HSF2: variants seen among roughly 807,000 people sequenced by gnomAD.
HSF2 encodes heat shock transcription factor 2.
In HSF2, 21 loss-of-function variants were observed where a neutral mutation model predicts 65.0. The ratio of observed to expected loss-of-function variants is 0.32; its 90% CI spans 0.23 to 0.47. HSF2 has a LOEUF of 0.47. HSF2 is among the 20% of genes least tolerant of loss of function. The probability of loss-of-function intolerance (pLI) is 1.00; values close to 1 mark genes in which losing one functional copy is unlikely to be tolerated. For synonymous variants in HSF2, 225 were observed against 219.1 expected, an observed-to-expected ratio of 1.03 and a Z score of -0.24; for missense variants, 499 against 628.1, an observed-to-expected ratio of 0.79 and a Z score of 2.20.
intron 10 of HSF2, among the ~76,000 whole-genome samples, chr6:122,425,056 CT>C (rs1352036812): frequency 6.6e-6 from 1 of 151,928 alleles, no homozygotes. Flanking sequence ...ATGTGTACCC[CT>C]ATCCTTTGCC....
At chr6:122,429,142 A>G (rs980625761) in intron 11 of HSF2, among the ~76,000 whole-genome samples, 1 of 152,058 alleles carries the variant, frequency 6.6e-6, no homozygotes, top group Non-Finnish European at 1.5e-5. Flanking sequence ...CTGGATTTAT[A>G]TTACAAGATT....
chr6:122,416,110 T>C lies in HSF2; in HGVS notation c.456-111T>C, dbSNP rs45525432. ...GTTTTCTTGGTCTCATAAATACATA[T>C]AGTAAAAACAAGTGTAGTTCAGTTG... On this transcript the variant is annotated intron_variant, in intron 4 of 12. Transcript: ENST00000368455. The C allele has an allele frequency of 8.4e-4, 554 of 659,972 alleles. 5 individuals carry two copies. The African/African-American group carries it at 9.0e-3, about 11-fold the overall frequency. 40.9% of individuals were successfully genotyped at this position (659,972 alleles called of 1,614,324 possible). A position where few individuals can be genotyped will look rare whatever the true frequency, so the allele number is the denominator to read the frequency against.
At chr6:122,412,226 G>C (rs1434455568) in intron 1 of HSF2, 147 bp from the exon 2 acceptor site, 12 of 550,494 alleles carry the variant, frequency 2.2e-5, no homozygotes, top group Non-Finnish European at 3.9e-5. Flanking sequence ...TTTGTTTCTT[G>C]TTCCTGTTGT....
In HSF2 at chr6:122,399,830, G is replaced by A. The variant is rs753721001; in HGVS notation, c.93G>A (p.Gln31=). 2 of 1,609,916 alleles carry A rather than the reference G, an allele frequency of 1.2e-6. No homozygotes were observed. Among genetic ancestry groups the A allele is most frequent in the African/African-American group, 1.3e-5 (1 of 74,584 alleles). ...CTAACGAGTTCATCACCTGGAGCCA[G>A]GTACGGTCAGGCCACGGCGGCCTCT... The part of the protein sequence containing the change: ...THTNEFITWS[Q]NGQSFLVLDE... Residue 31 remains glutamine (Q), a splice_region_variant and synonymous_variant, in exon 1 of 13, where the codon CAG becomes CAA. Transcript: ENST00000368455.
chr6:122,418,005 A>G (rs556960633), intron 5 of HSF2, among the ~76,000 whole-genome samples: 1 of 152,320 alleles, frequency 6.6e-6, no homozygotes, highest in Admixed American at 6.5e-5. Context: ...GATATTGATT[A>G]TAAGGCAGAC....
Position 122,413,664 on chromosome 6 carries a change from C to T in HSF2, c.455+15C>T, listed in dbSNP as rs752392422. 2 of 1,592,100 alleles carry T rather than the reference C, an allele frequency of 1.3e-6. No homozygotes were observed. Among genetic ancestry groups the T allele is most frequent in the African/African-American group, 2.7e-5 (2 of 73,958 alleles). On this transcript the variant is annotated intron_variant, in intron 4 of 12. Transcript: ENST00000368455. ...GAATTAAAAAGGTAAAGTGTTATTTCCAAATATAATTTTAATCTGGGAATT... is the reference window on the plus strand; with the variant it reads ...GAATTAAAAAGGTAAAGTGTTATTTTCAAATATAATTTTAATCTGGGAATT...
chr6:122,425,888 CAGTT>C (rs1340571699), intron 10 of HSF2, among the ~76,000 whole-genome samples: 7 of 152,076 alleles, frequency 4.6e-5, no homozygotes, highest in Admixed American at 3.9e-4. Flanking sequence ...TTGGGATCAT[CAGTT>C]AGCTCTTACC....
chr6:122,432,010 A>G lies in HSF2; in HGVS notation c.1401A>G (p.Thr467=), dbSNP rs200120083. The change falls in exon 13 of 13, where the codon ACA becomes ACG. Residue 467 remains threonine (T), a synonymous_variant. Coordinates refer to ENST00000368455, the MANE Select transcript of HSF2 (RefSeq NM_004506.4). ...NPASSVEQAS[T]TASSEVLSSV... ...CTTCTTCTGTTGAACAGGCGAGTACAACAGCATCATCAGAAGTTTTGTCCT... is the reference window on the plus strand; with the variant it reads ...CTTCTTCTGTTGAACAGGCGAGTACGACAGCATCATCAGAAGTTTTGTCCT... 7 of 1,614,110 alleles carry G rather than the reference A, an allele frequency of 4.3e-6. No individual in the cohort carries two copies. The highest frequency in any genetic ancestry group is 5.9e-6 in the Non-Finnish European group (7 of 1,179,968).
chr6:122,404,377 T>C (rs977476637), intron 1 of HSF2, among the ~76,000 whole-genome samples: 11 of 152,154 alleles, frequency 7.2e-5, no homozygotes, highest in African/African-American at 9.7e-5. Context: ...AAATCCAACT[T>C]AGATGGACCT....
At position 122,422,819 on chromosome 6, in the gene HSF2, C is replaced by T. The variant is rs754364398; in HGVS notation, c.932C>T (p.Ser311Phe). The change falls in exon 9 of 13, where the codon TCC becomes TTC. Residue 311 changes from serine to phenylalanine, a missense_variant. Physicochemically the swap from Ser to Phe is radical, Grantham distance 155. Transcript: ENST00000368455. ...GAGCAGAATGAACCAGCCAGAGAATCCCTAAGTTCAGGCAGTGATGGCAGC... is the reference window on the plus strand; with the variant it reads ...GAGCAGAATGAACCAGCCAGAGAATTCCTAAGTTCAGGCAGTGATGGCAGC... ...SGEQNEPARE[S>F]LSSGSDGSSP... The T allele has an allele frequency of 6.2e-7, 1 of 1,613,756 alleles. No individual in the cohort carries two copies. Among genetic ancestry groups the T allele is most frequent in the Non-Finnish European group, 8.5e-7 (1 of 1,179,810 alleles).
intron 5 of HSF2, among the ~76,000 whole-genome samples, chr6:122,416,515 A>C (rs1392099849): frequency 6.6e-6 from 1 of 152,250 alleles, no homozygotes; most frequent in East Asian, 1.9e-4. Flanking sequence ...ATACTCGCAG[A>C]TAATGTCTCA....
chr6:122,412,848 C>T, intron 3 of HSF2, 84 bp downstream of exon 3: 1 of 1,224,636 alleles, frequency 8.2e-7, no homozygotes, highest in Admixed American at 1.9e-5. Flanking sequence ...GTTGAAAGTA[C>T]AGAAATGCAC....
intron 4 of HSF2, among the ~76,000 whole-genome samples, chr6:122,414,084 G>A (rs907958449): frequency 6.6e-6 from 1 of 152,072 alleles, no homozygotes; most frequent in African/African-American, 2.4e-5. Context: ...TTAGGAAAAA[G>A]TAGGACACAA....
chr6:122,420,982 G>A (rs2114446157), intron 7 of HSF2, among the ~76,000 whole-genome samples: 1 of 151,608 alleles, frequency 6.6e-6, no homozygotes, highest in Non-Finnish European at 1.5e-5. Flanking sequence ...AAAGTTTTGG[G>A]ATTACAGGCA....
intron 9 of HSF2, 86 bp from the exon 10 acceptor site, chr6:122,423,495 C>T: frequency 1.7e-6 from 1 of 584,456 alleles, no homozygotes; most frequent in Non-Finnish European, 2.9e-6. Context: ...CTAGAAATAT[C>T]TTGCCTAGCC....
At position 122,422,218 on chromosome 6, in the gene HSF2, T is replaced by A; in HGVS notation, c.750T>A (p.Asp250Glu). 6.3e-7 allele frequency: 1 copy of A among 1,595,916 alleles called. No individual in the cohort carries two copies. The highest frequency in any genetic ancestry group is 1.1e-5 in the South Asian group (1 of 90,654). Residue 250 changes from aspartate to glutamate, a missense_variant, in exon 8 of 13, where the codon GAT becomes GAA. Asp to Glu is a conservative substitution (Grantham distance 45). Coordinates refer to ENST00000368455, the MANE Select transcript of HSF2 (RefSeq NM_004506.4). ...TTTCAGATGACATCATTATTTATGA[T>A]GTTACTGATGATAATGCAGATGAAG... ...ERISDDIIIYDVTDDNADEEN... is the reference protein window; with the variant it reads ...ERISDDIIIYEVTDDNADEEN...
intron 1 of HSF2, among the ~76,000 whole-genome samples, chr6:122,401,338 G>A (rs2114414586): frequency 6.6e-6 from 1 of 152,304 alleles, no homozygotes; most frequent in African/African-American, 2.4e-5. Context: ...CTGTTACTCA[G>A]ACACGTATTC....
At chr6:122,413,471 T>TA in intron 3 of HSF2, 54 bp from the exon 4 acceptor site, 2 of 1,361,616 alleles carry the variant, frequency 1.5e-6, no homozygotes, top group Non-Finnish European at 2.0e-6. Context: ...AGCTTTGAAT[T>TA]ACAATCATGG....
chr6:122,430,554 C>T (rs983935908), intron 11 of HSF2, among the ~76,000 whole-genome samples: 2 of 151,932 alleles, frequency 1.3e-5, no homozygotes, highest in Non-Finnish European at 2.9e-5. Context: ...GGAAAGGTTT[C>T]GTAGTTTTTA....
Sources: gnomAD v4.1 joint callset for allele counts (sites outside exome capture counted in the v4.1 genomes callset) on GRCh38, gnomAD v4.1.1 for gene constraint, MANE v1.5 for transcripts, NCBI Gene and HGNC (gene_info 2026-07-23, HGNC 2026-07-21) for gene names.